ENTREP2: variants seen among roughly 807,000 people sequenced by gnomAD.
The protein encoded by ENTREP2 is protein ENTREP2.
At chr15:29,513,403 G>T in the ENTREP2 span, among the ~76,000 whole-genome samples, 11 of 152,266 alleles carry the variant, frequency 7.2e-5, no homozygotes, top group African/African-American at 2.4e-4. Flanking sequence ...AAACCCTAAG[G>T]TTCCACGGAA....
the ENTREP2 span, among the ~76,000 whole-genome samples, chr15:29,499,369 G>T: frequency 6.6e-6 from 1 of 151,944 alleles, no homozygotes; most frequent in Non-Finnish European, 1.5e-5. Flanking sequence ...AGTTATAACA[G>T]TTTAAGCTGA....
chr15:29,407,602 T>A, the ENTREP2 span, among the ~76,000 whole-genome samples: 2 of 151,986 alleles, frequency 1.3e-5, no homozygotes, highest in African/African-American at 4.8e-5. Context: ...CACAGCCAGG[T>A]AAGGAGGGAG....
the ENTREP2 span, among the ~76,000 whole-genome samples, chr15:29,654,271 T>C: frequency 6.6e-6 from 1 of 152,162 alleles, no homozygotes; most frequent in African/African-American, 2.4e-5. Context: ...ATTCATATCA[T>C]GGAAAATTTC....
the ENTREP2 span, among the ~76,000 whole-genome samples, chr15:29,489,204 A>C: frequency 5.3e-5 from 8 of 152,368 alleles, no homozygotes; most frequent in South Asian, 4.1e-4. Flanking sequence ...GCAGTAGCAG[A>C]AGCAGCATGG....
chr15:29,415,115 C>G, the ENTREP2 span, among the ~76,000 whole-genome samples: 1 of 151,836 alleles, frequency 6.6e-6, no homozygotes, highest in Non-Finnish European at 1.5e-5. Flanking sequence ...CTATTCCAAT[C>G]AACAGAAAAA....
At chr15:29,224,371 CACACTTGTGGA>C in the ENTREP2 span, among the ~76,000 whole-genome samples, 3 of 152,246 alleles carry the variant, frequency 2.0e-5, no homozygotes, top group East Asian at 5.8e-4. Flanking sequence ...ACAAAGCTTC[CACACTTGTGGA>C]AGGGAACTGC....
chr15:29,143,602 G>A, the ENTREP2 span, among the ~76,000 whole-genome samples: 1 of 152,216 alleles, frequency 6.6e-6, no homozygotes, highest in African/African-American at 2.4e-5. Flanking sequence ...GCTTCCCACA[G>A]GTTCTTTCTG....
the ENTREP2 span, among the ~76,000 whole-genome samples, chr15:29,356,266 GTGTATA>G: frequency 1.5e-5 from 1 of 66,858 alleles, no homozygotes; most frequent in Non-Finnish European, 2.5e-5. Context: ...ATGTGTGTGT[GTGTATA>G]TATATATATA....
the ENTREP2 span, among the ~76,000 whole-genome samples, chr15:29,528,215 T>C: frequency 2.0e-5 from 3 of 152,108 alleles, no homozygotes; most frequent in South Asian, 4.1e-4. Flanking sequence ...ATCCTTGATA[T>C]TGGGTGGTCC....
chr15:29,138,024 A>C, the ENTREP2 span, among the ~76,000 whole-genome samples: 1 of 152,092 alleles, frequency 6.6e-6, no homozygotes, highest in Admixed American at 6.6e-5. Context: ...GGCTCTGAGA[A>C]GGGCTGTGCT....
the ENTREP2 span, among the ~76,000 whole-genome samples, chr15:29,321,450 C>G: frequency 6.6e-6 from 1 of 151,960 alleles, no homozygotes; most frequent in Non-Finnish European, 1.5e-5. Flanking sequence ...GAGTTCGAGA[C>G]CAGCCTGGCC....
chr15:29,539,895 C>A, the ENTREP2 span, among the ~76,000 whole-genome samples: 2 of 152,120 alleles, frequency 1.3e-5, no homozygotes, highest in African/African-American at 4.8e-5. Context: ...TCACACCATG[C>A]CAGGGCTGCC....
chr15:29,657,721 T>C, the ENTREP2 span, among the ~76,000 whole-genome samples: 2 of 152,216 alleles, frequency 1.3e-5, no homozygotes, highest in East Asian at 3.9e-4. Context: ...AAGTTCCTGA[T>C]TGGTGCATTT....
At chr15:29,235,054 C>T in the ENTREP2 span, 1 of 1,147,144 alleles carries the variant, frequency 8.7e-7, no homozygotes, top group Non-Finnish European at 1.3e-6. Flanking sequence ...GGTAGTGGCC[C>T]CACAGCCAGG....
chr15:29,570,730 G>A, the ENTREP2 span: 14 of 987,262 alleles, frequency 1.4e-5, no homozygotes, highest in Non-Finnish European at 1.7e-5. Context: ...GCATCGCGCC[G>A]GGCGCCCGCA....
chr15:29,272,820 T>A, the ENTREP2 span, among the ~76,000 whole-genome samples: 2 of 152,218 alleles, frequency 1.3e-5, no homozygotes, highest in Admixed American at 6.5e-5. Flanking sequence ...GTAGGAGTTT[T>A]CAGCCCTCTG....
the ENTREP2 span, among the ~76,000 whole-genome samples, chr15:29,557,325 G>A: frequency 0.03 from 4,587 of 152,238 alleles, 107 homozygotes; most frequent in African/African-American, 0.06. Context: ...GAGCAGCGAC[G>A]GGGTTTTAGT....
At chr15:29,254,728 G>A in the ENTREP2 span, among the ~76,000 whole-genome samples, 5 of 152,126 alleles carry the variant, frequency 3.3e-5, no homozygotes, top group South Asian at 2.1e-4. Context: ...ATGGTGCTGC[G>A]CGCCTGTAAT....
chr15:29,633,006 G>T, the ENTREP2 span, among the ~76,000 whole-genome samples: 6 of 152,222 alleles, frequency 3.9e-5, no homozygotes, highest in Non-Finnish European at 7.3e-5. Context: ...CTTGATTCAG[G>T]TGCGATGTCA....
Sources: gnomAD v4.1 joint callset for allele counts (sites outside exome capture counted in the v4.1 genomes callset) on GRCh38, gnomAD v4.1.1 for gene constraint, MANE v1.5 for transcripts, NCBI Gene and HGNC (gene_info 2026-07-23, HGNC 2026-07-21) for gene names.